NOTCH2NLR: variants seen among roughly 807,000 people sequenced by gnomAD.
NOTCH2NLR encodes notch 2 N-terminal like R (pseudogene).
A neutral mutation model predicts 35.6 loss-of-function variants in NOTCH2NLR; 33 were observed. The observed-to-expected ratio is 0.93, with a 90% CI of 0.70 to 1.24. The LOEUF (loss-of-function observed/expected upper bound fraction) is 1.24. NOTCH2NLR is among the 50% of genes most tolerant of loss of function. The pLI is 0.00. For missense variants in NOTCH2NLR, 276 were observed against 362.2 expected, an observed-to-expected ratio of 0.76 and a Z score of 1.93; for synonymous variants, 103 against 141.0, an observed-to-expected ratio of 0.73 and a Z score of 1.91.
chr1:120,794,087 G>T, downstream of NOTCH2NLR, among the ~76,000 whole-genome samples: 1 of 104,292 alleles, frequency 9.6e-6, no homozygotes, highest in Non-Finnish European at 1.8e-5. Context: ...ACTGAGGAGG[G>T]GATCCTCTGT....
intron 3 of NOTCH2NLR, among the ~76,000 whole-genome samples, chr1:120,790,419 C>T (rs1482313139): frequency 1.7e-5 from 2 of 116,142 alleles, no homozygotes; most frequent in East Asian, 4.3e-4. Flanking sequence ...ATACCTCAGT[C>T]AGCTTACTAG....
At chr1:120,794,166 G>A (rs1651528861), downstream of NOTCH2NLR, among the ~76,000 whole-genome samples, 2 of 115,380 alleles carry the variant, frequency 1.7e-5, 1 homozygote, top group Admixed American at 1.7e-4. Flanking sequence ...ACAATACTTT[G>A]TTACACTCTT....
rs1650827973 is a variant in NOTCH2NLR at position 120,727,488 on chromosome 1, GAAGGGCT to G, written c.73+3239_73+3245del. ...GCAGTATGTCTGCATTGACCCTTTA[GAAGGGCT>G]TCATATATTTAGATGATATAATAAA... On this transcript the variant is annotated intron_variant, in intron 1 of 4. Transcript: ENST00000624419. 1.8e-5 allele frequency among the ~76,000 whole-genome samples: 2 copies of G among 110,108 alleles called. 1 individual carries two copies. The highest frequency in any genetic ancestry group is 1.1e-4 in the African/African-American group (2 of 17,828). The allele number at this position is 110,108 out of a possible 152,430, so 72.2% of individuals were successfully genotyped here.
Position 120,779,424 on chromosome 1 carries a change from T to C in NOTCH2NLR, c.156-5550T>C, listed in dbSNP as rs1651337358. On this transcript the variant is annotated intron_variant, in intron 2 of 4. Coordinates refer to ENST00000624419, the Ensembl canonical transcript of NOTCH2NLR. The stretch of plus-strand genomic sequence containing the variant: ...AAAATGCTCCCCAAACCTTTCTCTG[T>C]ATTCACAACCTCATCTGCGAAGTAT... 4.5e-5 allele frequency among the ~76,000 whole-genome samples: 5 copies of C among 111,052 alleles called. 1 individual carries two copies. In the Admixed American group the frequency reaches 4.5e-4, roughly 10 times the overall value. 72.9% of individuals were successfully genotyped at this position (111,052 alleles called of 152,430 possible). A position where few individuals can be genotyped will look rare whatever the true frequency, so the allele number is the denominator to read the frequency against.
chr1:120,729,088 G>A lies in NOTCH2NLR; in HGVS notation c.73+4838G>A, dbSNP rs1385794367. Among the ~76,000 whole-genome samples, 4 of 107,870 alleles carry A rather than the reference G, an allele frequency of 3.7e-5. 1 individual carries two copies. Among genetic ancestry groups the A allele is most frequent in the African/African-American group, 2.4e-4 (4 of 16,724 alleles). 70.8% of individuals were successfully genotyped at this position (107,870 alleles called of 152,430 possible). On this transcript the variant is annotated intron_variant, in intron 1 of 4. Coordinates refer to ENST00000624419, the Ensembl canonical transcript of NOTCH2NLR. ...TTTCCCACCTTTAGAACATTCTATA[G>A]GAGAGGCTGATGGTGAGTTGGAGTG...
At chr1:120,752,432 A>T (rs1651026115) in intron 1 of NOTCH2NLR, among the ~76,000 whole-genome samples, 1 of 13,504 alleles carries the variant, frequency 7.4e-5, no homozygotes, top group Non-Finnish European at 1.3e-4. Flanking sequence ...TGACCAGGAG[A>T]CCCAAGTTGT....
intron 2 of NOTCH2NLR, among the ~76,000 whole-genome samples, chr1:120,776,305 A>G (rs1651306298): frequency 9.5e-6 from 1 of 105,092 alleles, no homozygotes; most frequent in Non-Finnish European, 1.8e-5. Flanking sequence ...GACTTAATGA[A>G]ATTTTAGGGC....
chr1:120,778,363 G>C (rs1651322699), intron 2 of NOTCH2NLR, among the ~76,000 whole-genome samples: 1 of 101,984 alleles, frequency 9.8e-6, no homozygotes, highest in East Asian at 2.3e-4. Context: ...TCTGTTCAAA[G>C]AATTTTCTGC....
chr1:120,765,448 T>C lies in NOTCH2NLR; in HGVS notation c.155+1739T>C, dbSNP rs1428457114. ...TGCCTAGTACAGTGCCTGGTGTAGT[T>C]ATTGTTCAGCAATGTGTTTCTTAAA... is the stretch of plus-strand genomic sequence containing the variant. On this transcript the variant is annotated intron_variant, in intron 2 of 4. Transcript: ENST00000624419. Among the ~76,000 whole-genome samples, 29 of 63,886 alleles carry C rather than the reference T, an allele frequency of 4.5e-4. 2 individuals carry two copies. The highest frequency in any genetic ancestry group is 2.9e-3 in the South Asian group (6 of 2,048). 41.9% of individuals were successfully genotyped at this position (63,886 alleles called of 152,430 possible).
At chr1:120,790,556 CTT>C (rs1651477800) in intron 3 of NOTCH2NLR, among the ~76,000 whole-genome samples, 1 of 99,314 alleles carries the variant, frequency 1.0e-5, no homozygotes, top group South Asian at 2.9e-4. Context: ...TTCTTTCTTT[CTT>C]TCTTTCTTTC....
In NOTCH2NLR at chr1:120,783,747, T is replaced by C. The variant is rs1348519247; in HGVS notation, c.156-1227T>C. On this transcript the variant is annotated intron_variant, in intron 2 of 4. Transcript: ENST00000624419. ...TGCAGTCCAGACTTAAACGTTAGGG[T>C]GGCCATAATATATGGGGAAGAAGGA... Among the ~76,000 whole-genome samples the C allele has an allele frequency of 4.3e-5, 5 of 116,836 alleles. 2 individuals are homozygous for C. Among genetic ancestry groups the C allele is most frequent in the Non-Finnish European group, 8.2e-5 (5 of 61,038 alleles). 76.6% of individuals were successfully genotyped at this position (116,836 alleles called of 152,430 possible).
rs1156370654 is a variant in NOTCH2NLR at position 120,765,176 on chromosome 1, C to T, written c.155+1467C>T. On this transcript the variant is annotated intron_variant, in intron 2 of 4. Coordinates refer to ENST00000624419, the Ensembl canonical transcript of NOTCH2NLR. Reference sequence around the variant, plus strand: ...TTTTCTAGCTGGGGGAAAAAAAAAACATGTGGTGCATTCTCCTCTAAGAAT... The same window carrying T: ...TTTTCTAGCTGGGGGAAAAAAAAAATATGTGGTGCATTCTCCTCTAAGAAT... Among the ~76,000 whole-genome samples, 5 of 119,878 alleles carry T rather than the reference C, an allele frequency of 4.2e-5. 1 individual carries two copies. The highest frequency in any genetic ancestry group is 8.3e-5 in the Non-Finnish European group (5 of 60,194). The allele number at this position is 119,878 out of a possible 152,430, so 78.6% of individuals were successfully genotyped here.
intron 1 of NOTCH2NLR, among the ~76,000 whole-genome samples, chr1:120,730,707 G>T (rs1650866465): frequency 1.2e-5 from 1 of 84,672 alleles, no homozygotes; most frequent in South Asian, 3.1e-4. Context: ...AATAAGAAAA[G>T]CAAAGGAATT....
intron 1 of NOTCH2NLR, among the ~76,000 whole-genome samples, chr1:120,745,105 G>A (rs1302376435): frequency 5.0e-5 from 3 of 59,876 alleles, no homozygotes; most frequent in Non-Finnish European, 8.5e-5. Flanking sequence ...GGGTGACAGA[G>A]CAAGATCCTG....
intron 1 of NOTCH2NLR, among the ~76,000 whole-genome samples, chr1:120,752,464 A>T (rs1248912068): frequency 2.8e-4 from 7 of 24,990 alleles, no homozygotes; most frequent in African/African-American, 8.9e-4. Context: ...ACATAGTTGT[A>T]TGTCTGAAGA....
chr1:120,759,267 C>CTTT (rs1169932555), intron 1 of NOTCH2NLR, among the ~76,000 whole-genome samples: 2 of 33,286 alleles, frequency 6.0e-5, no homozygotes, highest in Non-Finnish European at 5.0e-5. Context: ...CTTCTTTTTG[C>CTTT]TTTTTTTTTT....
rs1651519122 is a variant in NOTCH2NLR, at chr1:120,793,529, G to T, written c.751+33G>T. The T allele has an allele frequency of 4.4e-6, 5 of 1,124,960 alleles. 1 individual carries two copies. The Admixed American group carries it at 1.1e-4, about 24-fold the overall frequency. The allele number at this position is 1,124,960 out of a possible 1,614,324, so 69.7% of individuals were successfully genotyped here. On this transcript the variant is annotated intron_variant, in intron 4 of 4. Coordinates refer to ENST00000624419, the Ensembl canonical transcript of NOTCH2NLR. Reference sequence around the variant, plus strand: ...GCTCCCTAGTGTCCCAGGATTAGGGGACAAACCCCTAGCACAGGAGGTAGT... The same window carrying T: ...GCTCCCTAGTGTCCCAGGATTAGGGTACAAACCCCTAGCACAGGAGGTAGT...
At chr1:120,785,162 G>A (rs1651411501) in exon 3 of NOTCH2NLR, 1 of 1,446,294 alleles carries the variant, frequency 6.9e-7, no homozygotes, top group Non-Finnish European at 9.2e-7. Context: ...TCTCGACCTT[G>A]CCTGAATGGC....
intron 2 of NOTCH2NLR, among the ~76,000 whole-genome samples, chr1:120,768,618 A>C (rs1651221275): frequency 9.0e-6 from 1 of 110,578 alleles, no homozygotes. Flanking sequence ...AAAAAAAAAA[A>C]ACAAAACTGT....
Sources: gnomAD v4.1 joint callset for allele counts (sites outside exome capture counted in the v4.1 genomes callset) on GRCh38, gnomAD v4.1.1 for gene constraint, MANE v1.5 for transcripts, NCBI Gene and HGNC (gene_info 2026-07-23, HGNC 2026-07-21) for gene names.